The following NLK variants were observed in gnomAD, a reference collection of about 807,000 sequenced individuals.
NLK encodes the protein nemo like kinase, also known as serine/threonine-protein kinase NLK.
A neutral mutation model predicts 59.0 loss-of-function variants in NLK; 11 were observed. The ratio of observed to expected loss-of-function variants is 0.19; its 90% CI spans 0.12 to 0.31. The LOEUF is 0.31. Ranked by LOEUF, NLK falls within the 10% of genes least tolerant of loss-of-function variation. NLK has a pLI of 1.00. For missense variants in NLK, 410 were observed against 661.1 expected (o/e 0.62, Z 4.16); for synonymous variants, 235 against 235.9 (o/e 1.00, Z 0.03).
intron 6 of NLK, chr17:28,171,224 A>G (rs1026528301): frequency 2.0e-5 from 3 of 152,230 alleles, no homozygotes; most frequent in Admixed American, 2.0e-4. Context: ...AAGCTTCTCA[A>G]GTATCTCCAT....
chr17:28,139,710 A>G (rs1299466720), intron 3 of NLK, among the ~76,000 whole-genome samples: 1 of 152,238 alleles, frequency 6.6e-6, no homozygotes. Context: ...TGAAGAAACT[A>G]TAGCTCAGAG....
intron 3 of NLK, among the ~76,000 whole-genome samples, chr17:28,157,829 T>G (rs945824369): frequency 6.6e-6 from 1 of 152,210 alleles, no homozygotes; most frequent in Non-Finnish European, 1.5e-5. Context: ...AGAGTTACCA[T>G]GAAAATTAGA....
At chr17:28,197,983 A>G (rs1326626632), downstream of NLK, among the ~76,000 whole-genome samples, 1 of 152,228 alleles carries the variant, frequency 6.6e-6, no homozygotes, top group Non-Finnish European at 1.5e-5. Flanking sequence ...GAACAAAGAA[A>G]TCAGTGAACA....
In NLK at chr17:28,188,970, G is replaced by A. The variant is rs555889733; in HGVS notation, c.1237-2051G>A. On this transcript the variant is annotated intron_variant, in intron 8 of 10. Transcript: ENST00000407008. ...GTCTGTGGTGAGATACACATACACA[G>A]ACAAACACAGACACACACACACACA... Among the ~76,000 whole-genome samples, 7 of 145,120 alleles carry A rather than the reference G, an allele frequency of 4.8e-5. No individual in the cohort carries two copies. In the South Asian group the frequency reaches 8.7e-4, roughly 18 times the overall value.
At chr17:28,158,664 CTG>C (rs1177812518) in intron 3 of NLK, among the ~76,000 whole-genome samples, 1 of 152,022 alleles carries the variant, frequency 6.6e-6, no homozygotes, top group East Asian at 1.9e-4. Flanking sequence ...TTTTCTCACT[CTG>C]TTGCCTAGGC....
intron 1 of NLK, among the ~76,000 whole-genome samples, chr17:28,067,800 C>T (rs868089431): frequency 5.3e-5 from 8 of 151,066 alleles, no homozygotes; most frequent in Admixed American, 1.3e-4. Flanking sequence ...AATTGTGTCT[C>T]GGTATTGTGA....
chr17:28,179,326 C>T (rs1460719535), intron 7 of NLK, among the ~76,000 whole-genome samples: 1 of 152,064 alleles, frequency 6.6e-6, no homozygotes, highest in Non-Finnish European at 1.5e-5. Flanking sequence ...ATTTTCCAGG[C>T]TCAAGCAATC....
intron 3 of NLK, among the ~76,000 whole-genome samples, chr17:28,152,134 C>T (rs1313434238): frequency 6.6e-6 from 1 of 152,220 alleles, no homozygotes; most frequent in Admixed American, 6.5e-5. Context: ...TGATAGGTTT[C>T]ATAATGCTAG....
chr17:28,122,573 T>C (rs1332938412), intron 1 of NLK, 30 bp from the exon 2 acceptor site: 2 of 1,611,610 alleles, frequency 1.2e-6, no homozygotes, highest in African/African-American at 1.3e-5. Context: ...CTGTCTTTTT[T>C]TTCCCCTTCC....
rs375413956 is a variant in NLK at position 28,052,897 on chromosome 17, T to G, written c.458+9566T>G. 1.3e-4 allele frequency among the ~76,000 whole-genome samples: 19 copies of G among 151,490 alleles called. No homozygotes were observed. In the East Asian group the frequency reaches 3.7e-3, roughly 29 times the overall value. On this transcript the variant is annotated intron_variant, in intron 1 of 10. Coordinates refer to ENST00000407008, the MANE Select transcript of NLK (RefSeq NM_016231.5). The stretch of plus-strand genomic sequence containing the variant: ...CATATTGATCTCTGGTGTTTTTTTT[T>G]TTTTTTTTTTGAGACAGTCTTGCTC...
intron 10 of NLK, among the ~76,000 whole-genome samples, chr17:28,193,334 C>T (rs988984665): frequency 5.9e-5 from 9 of 152,120 alleles, no homozygotes; most frequent in Admixed American, 6.5e-5. Flanking sequence ...ACACACAGCA[C>T]GAGGGTGGTG....
At chr17:28,201,680 C>CA in the NLK span, among the ~76,000 whole-genome samples, 790 of 152,206 alleles carry the variant, frequency 5.2e-3, 13 homozygotes, top group African/African-American at 0.018. Context: ...ATTCAAAAAT[C>CA]AATCATAGTA....
chr17:28,048,193 A>G (rs561184736), intron 1 of NLK: 141 of 371,570 alleles, frequency 3.8e-4, no homozygotes, highest in African/African-American at 2.6e-3. Flanking sequence ...AATAAAAGTA[A>G]CAATCTGATG....
chr17:28,198,159 CAG>C (rs1435490822), downstream of NLK, among the ~76,000 whole-genome samples: 1 of 152,168 alleles, frequency 6.6e-6, no homozygotes, highest in African/African-American at 2.4e-5. Context: ...CTTTTTGAGA[CAG>C]AGTCTTGCTC....
chr17:28,089,436 C>T (rs565800304), intron 1 of NLK, among the ~76,000 whole-genome samples: 1 of 150,796 alleles, frequency 6.6e-6, no homozygotes, highest in Non-Finnish European at 1.5e-5. Flanking sequence ...TAGTAGTAAT[C>T]TATTGTAGAG....
chr17:28,105,109 T>G (rs186969568), intron 1 of NLK, among the ~76,000 whole-genome samples: 3 of 152,336 alleles, frequency 2.0e-5, no homozygotes, highest in Admixed American at 6.5e-5. Flanking sequence ...TTTCCTGTTT[T>G]CAGCTACATT....
intron 3 of NLK, among the ~76,000 whole-genome samples, chr17:28,151,159 G>A (rs1907464575): frequency 6.6e-6 from 1 of 152,188 alleles, no homozygotes; most frequent in South Asian, 2.1e-4. Flanking sequence ...GACCTGGAGT[G>A]ATGCAGGTGT....
At chr17:28,082,977 A>G (rs1462117064) in intron 1 of NLK, among the ~76,000 whole-genome samples, 1 of 152,176 alleles carries the variant, frequency 6.6e-6, no homozygotes, top group East Asian at 1.9e-4. Context: ...TGGTCATAAA[A>G]ACTGTATGCA....
At chr17:28,099,778 C>T (rs940734244) in intron 1 of NLK, among the ~76,000 whole-genome samples, 2 of 150,744 alleles carry the variant, frequency 1.3e-5, no homozygotes, top group African/African-American at 2.4e-5. Flanking sequence ...CGGGGTTTCA[C>T]CTTGTTAGCC....
Sources: allele counts gnomAD v4.1 joint callset (sites outside exome capture counted in the v4.1 genomes callset), GRCh38; gene constraint gnomAD v4.1.1; transcripts MANE v1.5; gene names NCBI Gene and HGNC (gene_info 2026-07-23, HGNC 2026-07-21).